The following EMC1 variants were observed in gnomAD, a reference collection of about 807,000 sequenced individuals.
The protein encoded by EMC1 is ER membrane protein complex subunit 1, also known as KIAA0090.
EMC1 carries 103 observed loss-of-function variants against 128.8 expected under a neutral mutation model. The observed-to-expected ratio is 0.80, with a 90% CI of 0.68 to 0.94. The LOEUF is 0.94. Ranked by LOEUF, EMC1 falls within the 40% of genes least tolerant of loss-of-function variation. The pLI, the probability that EMC1 is intolerant of heterozygous loss-of-function variation, is 0.00. For missense variants in EMC1, 1,083 were observed against 1,250.6 expected (o/e 0.87, Z 2.02); for synonymous variants, 442 against 490.4 (o/e 0.90, Z 1.30).
chr1:19,229,343 A>T (rs747726824), intron 17 of EMC1: 3 of 152,366 alleles, frequency 2.0e-5, no homozygotes, highest in African/African-American at 7.2e-5. Context: ...CTTTGAAAAC[A>T]TAAGAACTCA....
At chr1:19,231,140 C>A (rs1456975414) in intron 16 of EMC1, 121 bp downstream of exon 16, 11 of 1,346,910 alleles carry the variant, frequency 8.2e-6, no homozygotes, top group Non-Finnish European at 6.1e-6. Flanking sequence ...TTCGGGATGG[C>A]CTTAGAGCCC....
At chr1:19,225,857 G>A (rs1571982642) in intron 18 of EMC1, among the ~76,000 whole-genome samples, 1 of 150,814 alleles carries the variant, frequency 6.6e-6, no homozygotes, top group African/African-American at 2.4e-5. Flanking sequence ...TAATAATAAT[G>A]TTAAGTATGT....
intron 18 of EMC1, among the ~76,000 whole-genome samples, chr1:19,224,380 T>C (rs2093455561): frequency 6.6e-6 from 1 of 152,204 alleles, no homozygotes; most frequent in Non-Finnish European, 1.5e-5. Flanking sequence ...CATCTGAAAC[T>C]TAACATGGCC....
intron 1 of EMC1, among the ~76,000 whole-genome samples, chr1:19,249,273 TACTG>T (rs4066015): frequency 0.23 from 35,431 of 152,010 alleles, 4,989 homozygotes; most frequent in East Asian, 0.61. Flanking sequence ...ACCAACCACT[TACTG>T]ACTAACCCCA....
chr1:19,223,526 T>A lies in EMC1; in HGVS notation c.2246A>T (p.Asp749Val). Residue 749 changes from aspartate to valine, a missense_variant, in exon 19 of 23, where the codon GAC becomes GTC. By Grantham distance (152) the Asp-to-Val change is radical (BLOSUM62 -3). Around this residue, in one of 3 missense-constraint regions of EMC1, gnomAD observed 527 missense variants for 644.1 expected, o/e 0.82. Transcript: ENST00000477853. ...NLLAVVTEST[D>V]AHHERTFIGI... is the part of the protein sequence containing the mutation. ...AATAAAGGTGCGCTCATGGTGCGCGTCTGTGCTCTCTGTCACCACGGCCAG... is the reference window on the plus strand; with the variant it reads ...AATAAAGGTGCGCTCATGGTGCGCGACTGTGCTCTCTGTCACCACGGCCAG... The A allele has an allele frequency of 3.7e-6, 6 of 1,614,114 alleles. No homozygotes were observed. The highest frequency in any genetic ancestry group is 5.1e-6 in the Non-Finnish European group (6 of 1,180,016).
chr1:19,244,228 A>C (rs978055742), intron 2 of EMC1, among the ~76,000 whole-genome samples: 2 of 152,200 alleles, frequency 1.3e-5, no homozygotes, highest in African/African-American at 4.8e-5. Context: ...AGGCCCCACT[A>C]CCACCCCATC....
At position 19,230,897 on chromosome 1, in the gene EMC1, A is replaced by G. The variant is rs1284157661; in HGVS notation, c.2011T>C (p.Phe671Leu). 2.5e-6 allele frequency: 4 copies of G among 1,614,188 alleles called. No homozygotes were observed. Among genetic ancestry groups the G allele is most frequent in the Admixed American group, 1.7e-5 (1 of 60,020 alleles). The change falls in exon 17 of 23, where the codon TTC (phenylalanine) becomes CTC (leucine). Residue 671 changes from phenylalanine (F) to leucine (L), a missense_variant. Phe to Leu is a conservative substitution (Grantham distance 22, BLOSUM62 0). Coordinates refer to ENST00000477853, the MANE Select transcript of EMC1 (RefSeq NM_015047.3). Reference protein sequence around the residue: ...QLHELAPSIFFYLVDAEQGRL... With the variant: ...QLHELAPSIFLYLVDAEQGRL... The stretch of plus-strand genomic sequence containing the variant: ...CCCTGCTCTGCATCCACCAAATAGA[A>G]GAAGATGGAAGGGGCAAGCTCATGT...
chr1:19,240,389 C>T lies in EMC1; in HGVS notation c.694G>A (p.Glu232Lys). The T allele has an allele frequency of 6.2e-7, 1 of 1,614,224 alleles. No individual in the cohort carries two copies. The highest frequency in any genetic ancestry group is 1.1e-5 in the South Asian group (1 of 91,088). The change falls in exon 7 of 23, where the codon GAG (glutamate) becomes AAG (lysine). Residue 232 changes from glutamate to lysine, a missense_variant. Coordinates refer to ENST00000477853, the MANE Select transcript of EMC1 (RefSeq NM_015047.3). ...HLSGACGVVD[E>K]AVLVCPDPSS... The stretch of plus-strand genomic sequence containing the variant: ...GGGTCAGGACACACCAGGACAGCCT[C>T]ATCCACCACACCACAGGCTCCAGAC...
chr1:19,243,567 G>A (rs773528152), intron 4 of EMC1, 47 bp downstream of exon 4: 28 of 1,522,450 alleles, frequency 1.8e-5, no homozygotes, highest in African/African-American at 6.8e-5. Context: ...TCTGTGTTCC[G>A]GTGAAGCCTT....
rs775595011 is a variant in EMC1, at chr1:19,238,803, T to C, written c.1081A>G (p.Ser361Gly). 1.9e-6 allele frequency: 3 copies of C among 1,609,692 alleles called. No individual in the cohort carries two copies. The highest frequency in any genetic ancestry group is 1.7e-5 in the Admixed American group (1 of 60,012). Residue 361 changes from serine (S) to glycine (G), a missense_variant, in exon 10 of 23, where the codon AGT becomes GGT. Ser to Gly is a moderately conservative substitution (Grantham distance 56). Coordinates refer to ENST00000477853, the MANE Select transcript of EMC1 (RefSeq NM_015047.3). ...CCAGTGCCACACCATACCTTTGAAC[T>C]AGACTTCTCCGAAAAGCTCCCCATT... ...GSMGSFSEKS[S>G]SKDSLACFNQ...
rs190042346 is a variant in EMC1 at position 19,243,021 on chromosome 1, G to A, written c.381-548C>T. ...GAGAGGCTGAGGTGGGAGGATCACG[G>A]GGTCAGGAGTTCGAGACCAGCCTGG... On this transcript the variant is annotated intron_variant, in intron 4 of 22. Coordinates refer to ENST00000477853, the MANE Select transcript of EMC1 (RefSeq NM_015047.3). 5.5e-3 allele frequency among the ~76,000 whole-genome samples: 832 copies of A among 152,238 alleles called. 4 individuals carry two copies. The highest frequency in any genetic ancestry group is 8.8e-3 in the Non-Finnish European group (598 of 68,018).
At chr1:19,220,522 C>A (rs2093423296) in intron 21 of EMC1, 1 of 330,644 alleles carries the variant, frequency 3.0e-6, no homozygotes, top group African/African-American at 2.1e-5. Flanking sequence ...CTGTTTTACT[C>A]TGCTTAGCAT....
At chr1:19,235,383 C>T in intron 12 of EMC1, 131 bp from the exon 13 acceptor site, 1 of 886,814 alleles carries the variant, frequency 1.1e-6, no homozygotes, top group Non-Finnish European at 1.7e-6. Flanking sequence ...GCCTGGACAA[C>T]AGGGCAAAAC....
chr1:19,246,241 T>A lies in EMC1; in HGVS notation c.96-1211A>T, dbSNP rs943469675. On this transcript the variant is annotated intron_variant, in intron 1 of 22. Transcript: ENST00000477853. ...CCCATCTCTACTAAAAATGCAAAAA[T>A]TAGCTGGGCGTGGTGGCACGTGCCT... is the stretch of plus-strand genomic sequence containing the variant. Among the ~76,000 whole-genome samples, 3 of 151,534 alleles carry A rather than the reference T, an allele frequency of 2.0e-5. 1 individual carries two copies. Among genetic ancestry groups the A allele is most frequent in the Admixed American group, 2.0e-4 (3 of 15,204 alleles).
chr1:19,250,163 A>C (rs1157689259), intron 1 of EMC1, among the ~76,000 whole-genome samples: 1 of 133,924 alleles, frequency 7.5e-6, no homozygotes, highest in Non-Finnish European at 1.5e-5. Flanking sequence ...GGTTGTGGTG[A>C]GCCATGAGAT....
chr1:19,238,208 A>G (rs2093580449), intron 10 of EMC1, 69 bp from the exon 11 acceptor site: 2 of 1,579,016 alleles, frequency 1.3e-6, no homozygotes, highest in Non-Finnish European at 1.7e-6. Flanking sequence ...AAGGAAGTCC[A>G]AGGATTGGGG....
At chr1:19,235,380 C>T (rs1236687326) in intron 12 of EMC1, 128 bp from the exon 13 acceptor site, 1 of 927,708 alleles carries the variant, frequency 1.1e-6, no homozygotes, top group East Asian at 2.7e-5. Flanking sequence ...CCAGCCTGGA[C>T]AACAGGGCAA....
At position 19,235,250 on chromosome 1, in the gene EMC1, C is replaced by T; in HGVS notation, c.1312G>A (p.Gly438Arg). The change falls in exon 13 of 23, where the codon GGG becomes AGG. Residue 438 changes from glycine to arginine, a missense_variant and splice_region_variant. Physicochemically the swap from Gly to Arg is moderately radical, Grantham distance 125. Around this residue, in one of 3 missense-constraint regions of EMC1, gnomAD observed 544 missense variants for 572.4 expected, o/e 0.95. Coordinates refer to ENST00000477853, the MANE Select transcript of EMC1 (RefSeq NM_015047.3). Reference sequence around the variant, plus strand: ...TCACGGCTCCACAGCACCACCTTCCCTGCTACAGGAAACATTTTTACAAAG... The same window carrying T: ...TCACGGCTCCACAGCACCACCTTCCTTGCTACAGGAAACATTTTTACAAAG... ...HLLLFLQQLA[G>R]KVVLWSREES... 1 of 1,611,870 alleles carries T rather than the reference C, an allele frequency of 6.2e-7. No individual in the cohort carries two copies. The highest frequency in any genetic ancestry group is 8.5e-7 in the Non-Finnish European group (1 of 1,178,880).
At chr1:19,231,218 C>A in intron 16 of EMC1, 43 bp downstream of exon 16, 1 of 1,551,286 alleles carries the variant, frequency 6.4e-7, no homozygotes, top group East Asian at 2.2e-5. Context: ...GGCCCCAAAC[C>A]GGACTCCGCT....
Sources: gnomAD v4.1 joint callset for allele counts (sites outside exome capture counted in the v4.1 genomes callset) on GRCh38, gnomAD v4.1.1 for gene constraint, gnomAD v4.1.1 regional missense constraint, MANE v1.5 for transcripts, NCBI Gene and HGNC (gene_info 2026-07-23, HGNC 2026-07-21) for gene names.